The following ACP3 variants were observed in gnomAD, a reference collection of about 807,000 sequenced individuals.
The protein encoded by ACP3 is prostatic acid phosphatase.
ACP3 carries 38 observed loss-of-function variants against 45.6 expected under a neutral mutation model. That is an observed-to-expected ratio of 0.83 (90% confidence interval 0.64 to 1.09). The LOEUF (loss-of-function observed/expected upper bound fraction) is 1.09, where lower values mean the gene tolerates loss of function less well. ACP3 is among the 50% of genes least tolerant of loss of function. The probability of loss-of-function intolerance (pLI) is 0.00; values close to 1 mark genes in which losing one functional copy is unlikely to be tolerated. For missense variants in ACP3, 466 were observed against 463.2 expected (o/e 1.01, Z -0.05); for synonymous variants, 162 against 164.7 (o/e 0.98, Z 0.13).
intron 7 of ACP3, among the ~76,000 whole-genome samples, chr3:132,348,244 T>G (rs1356950843): frequency 6.6e-6 from 1 of 152,168 alleles, no homozygotes; most frequent in Admixed American, 6.5e-5. Flanking sequence ...TTACGAAGAT[T>G]TAATAAAGGA....
intron 1 of ACP3, among the ~76,000 whole-genome samples, chr3:132,319,809 T>C (rs1281386031): frequency 6.6e-6 from 1 of 152,184 alleles, no homozygotes; most frequent in East Asian, 1.9e-4. Flanking sequence ...ACCCAGCACA[T>C]GGAGCTAGTC....
intron 9 of ACP3, among the ~76,000 whole-genome samples, chr3:132,353,830 G>T (rs1275371337): frequency 1.3e-5 from 2 of 152,116 alleles, no homozygotes; most frequent in East Asian, 3.9e-4. Flanking sequence ...TAGCTTTCTG[G>T]CCCCTGAATT....
rs550318014 is a variant in ACP3, at chr3:132,354,049, AC to A, written c.968+1229del. On this transcript the variant is annotated intron_variant, in intron 9 of 9. Transcript: ENST00000336375. ...TCTAGAGTCAGCATGGAGAGGTAAG[AC>A]CCACAAAATGGAGACTGGCCAAATA... is the stretch of plus-strand genomic sequence containing the variant. Among the ~76,000 whole-genome samples the A allele has an allele frequency of 2.0e-4, 30 of 152,272 alleles. No individual in the cohort carries two copies. The South Asian group carries it at 6.2e-3, about 32-fold the overall frequency.
At chr3:132,317,729 T>C (rs1047256504) in intron 1 of ACP3, among the ~76,000 whole-genome samples, 153 bp downstream of exon 1, 1 of 152,240 alleles carries the variant, frequency 6.6e-6, no homozygotes, top group African/African-American at 2.4e-5. Flanking sequence ...TTTTGCAAGT[T>C]CCTCTTAATG....
chr3:132,348,113 C>T (rs1188812977), intron 7 of ACP3, among the ~76,000 whole-genome samples: 1 of 151,982 alleles, frequency 6.6e-6, no homozygotes, highest in Non-Finnish European at 1.5e-5. Flanking sequence ...ATTTTTTAAC[C>T]CACAAAGCCT....
intron 1 of ACP3, among the ~76,000 whole-genome samples, chr3:132,324,412 A>G (rs766958323): frequency 1.3e-5 from 2 of 152,130 alleles, no homozygotes; most frequent in Non-Finnish European, 2.9e-5. Flanking sequence ...ATGATTTAAA[A>G]GTGTGAAGTG....
Position 132,317,596 on chromosome 3 carries a change from T to C in ACP3, c.120+20T>C. 1 of 1,605,894 alleles carries C rather than the reference T, an allele frequency of 6.2e-7. No individual in the cohort carries two copies. Among genetic ancestry groups the C allele is most frequent in the Non-Finnish European group, 8.5e-7 (1 of 1,176,056 alleles). ...ACTTTGGTAAGTAGACTTTTCTCATTGCTTTTTCCTTAAAACTGTGTTCCC... is the reference window on the plus strand; with the variant it reads ...ACTTTGGTAAGTAGACTTTTCTCATCGCTTTTTCCTTAAAACTGTGTTCCC... On this transcript the variant is annotated intron_variant, in intron 1 of 9. Transcript: ENST00000336375.
chr3:132,359,155 G>A (rs1470713509), downstream of ACP3, among the ~76,000 whole-genome samples: 1 of 152,168 alleles, frequency 6.6e-6, no homozygotes, highest in Non-Finnish European at 1.5e-5. Flanking sequence ...ATCCAGATTT[G>A]GAGTAGGGGA....
At chr3:132,340,920 T>C (rs957304638) in intron 5 of ACP3, among the ~76,000 whole-genome samples, 1 of 152,174 alleles carries the variant, frequency 6.6e-6, no homozygotes, top group Admixed American at 6.5e-5. Flanking sequence ...TAATTTTTAG[T>C]ATTTTCATTA....
At chr3:132,349,848 G>A (rs1937679706) in intron 7 of ACP3, 72 bp from the exon 8 acceptor site, 1 of 1,082,306 alleles carries the variant, frequency 9.2e-7, no homozygotes, top group Admixed American at 1.8e-5. Context: ...ACTATGAAGT[G>A]ACAAAAAGCT....
intron 2 of ACP3, among the ~76,000 whole-genome samples, chr3:132,329,695 C>T (rs1937364439): frequency 6.6e-6 from 1 of 152,082 alleles, no homozygotes; most frequent in Non-Finnish European, 1.5e-5. Flanking sequence ...CCTTGATTAC[C>T]CATCAGATTC....
chr3:132,339,564 C>A (rs552016306), intron 5 of ACP3, among the ~76,000 whole-genome samples: 1 of 152,152 alleles, frequency 6.6e-6, no homozygotes, highest in Non-Finnish European at 1.5e-5. Flanking sequence ...TCTTTGGGTT[C>A]GATCAGTTTG....
chr3:132,355,484 A>T (rs1397634689), intron 9 of ACP3, among the ~76,000 whole-genome samples: 3 of 150,176 alleles, frequency 2.0e-5, no homozygotes, highest in African/African-American at 7.3e-5. Flanking sequence ...ATTTTATTTT[A>T]TCTTATTTTA....
intron 1 of ACP3, among the ~76,000 whole-genome samples, chr3:132,318,599 T>C (rs1937150721): frequency 6.6e-6 from 1 of 152,138 alleles, no homozygotes. Flanking sequence ...TATAGTCCAG[T>C]AAATCCTTAC....
downstream of ACP3, among the ~76,000 whole-genome samples, chr3:132,361,717 T>G (rs1199825535): frequency 3.9e-5 from 6 of 152,256 alleles, no homozygotes. Flanking sequence ...TCTTTATTCT[T>G]ATAAGCAAGA....
intron 5 of ACP3, among the ~76,000 whole-genome samples, chr3:132,339,941 A>G (rs543488050): frequency 1.3e-5 from 2 of 152,300 alleles, no homozygotes; most frequent in East Asian, 1.9e-4. Context: ...CCAGCCATCA[A>G]TCAATCATTA....
At chr3:132,323,945 C>A (rs1287427679) in intron 1 of ACP3, among the ~76,000 whole-genome samples, 1 of 152,216 alleles carries the variant, frequency 6.6e-6, no homozygotes, top group African/African-American at 2.4e-5. Flanking sequence ...AGGCTGGGCA[C>A]AGTGGCTCAC....
chr3:132,333,051 G>A (rs1937429351), intron 4 of ACP3, among the ~76,000 whole-genome samples: 1 of 152,038 alleles, frequency 6.6e-6, no homozygotes, highest in Non-Finnish European at 1.5e-5. Flanking sequence ...TTAGGATCAC[G>A]TGGTTTTTTA....
chr3:132,364,714 C>T (rs1293533785), intron 10 of ACP3, among the ~76,000 whole-genome samples: 2 of 152,160 alleles, frequency 1.3e-5, no homozygotes, highest in Admixed American at 6.5e-5. Flanking sequence ...ACCTCAGCAT[C>T]CAGTACAGCC....
Sources: gnomAD v4.1 joint callset for allele counts (sites outside exome capture counted in the v4.1 genomes callset) on GRCh38, gnomAD v4.1.1 for gene constraint, MANE v1.5 for transcripts, NCBI Gene and HGNC (gene_info 2026-07-23, HGNC 2026-07-21) for gene names.